CSMD1: variants seen among roughly 807,000 people sequenced by gnomAD.
The protein encoded by CSMD1 is CUB and Sushi multiple domains 1, also known as CUB and sushi domain-containing protein 1.
CSMD1 carries 213 observed loss-of-function variants against 417.5 expected under a neutral mutation model. The observed-to-expected ratio is 0.51, with a 90% CI of 0.46 to 0.57. The LOEUF is 0.57. CSMD1 is among the 20% of genes least tolerant of loss of function. The pLI, the probability that CSMD1 is intolerant of heterozygous loss-of-function variation, is 0.00. For synonymous variants in CSMD1, 2,862 were observed against 1,736.8 expected, an observed-to-expected ratio of 1.65 and a Z score of -16.11; for missense variants, 6,923 against 4,529.7, an observed-to-expected ratio of 1.53 and a Z score of -15.17.
At chr8:4,153,751 G>C (rs1437221882) in intron 3 of CSMD1, among the ~76,000 whole-genome samples, 1 of 152,206 alleles carries the variant, frequency 6.6e-6, no homozygotes, top group Non-Finnish European at 1.5e-5. Flanking sequence ...TCAGTGTGGT[G>C]ACCCTGTGCT....
At chr8:4,791,424 A>AC (rs1797681714) in intron 1 of CSMD1, among the ~76,000 whole-genome samples, 2 of 152,038 alleles carry the variant, frequency 1.3e-5, no homozygotes, top group Non-Finnish European at 2.9e-5. Context: ...TGTGGGTGGG[A>AC]CCCCATCCCT....
At chr8:3,759,622 A>C (rs900301692) in intron 5 of CSMD1, among the ~76,000 whole-genome samples, 4 of 151,890 alleles carry the variant, frequency 2.6e-5, no homozygotes, top group African/African-American at 9.7e-5. Context: ...TGCCAGGCAC[A>C]GTGGCTCACA....
At chr8:3,682,413 T>C (rs1366314024) in intron 7 of CSMD1, among the ~76,000 whole-genome samples, 1 of 152,156 alleles carries the variant, frequency 6.6e-6, no homozygotes, top group Non-Finnish European at 1.5e-5. Context: ...AAAGATGACC[T>C]TTATGCAGCC....
At chr8:3,167,737 C>G (rs1820321443) in intron 37 of CSMD1, among the ~76,000 whole-genome samples, 1 of 152,200 alleles carries the variant, frequency 6.6e-6, no homozygotes, top group East Asian at 1.9e-4. Flanking sequence ...TGACCAAAAA[C>G]ACTTTAATGG....
intron 5 of CSMD1, among the ~76,000 whole-genome samples, chr8:3,854,508 G>T (rs1179631281): frequency 1.3e-5 from 2 of 152,028 alleles, no homozygotes; most frequent in African/African-American, 4.8e-5. Flanking sequence ...GATAATACAG[G>T]CATAGTGGCT....
chr8:3,502,097 T>A (rs1338001822), intron 10 of CSMD1, among the ~76,000 whole-genome samples: 1 of 152,018 alleles, frequency 6.6e-6, no homozygotes, highest in Non-Finnish European at 1.5e-5. Context: ...GCTAAAAACG[T>A]ATGTCCACAC....
At chr8:4,906,089 A>G (rs1002326956) in intron 1 of CSMD1, among the ~76,000 whole-genome samples, 1 of 152,182 alleles carries the variant, frequency 6.6e-6, no homozygotes, top group Non-Finnish European at 1.5e-5. Context: ...GGAGCTGACC[A>G]ATAATCAAAT....
chr8:3,478,571 G>A (rs7813988), intron 11 of CSMD1, among the ~76,000 whole-genome samples: 79,514 of 151,908 alleles, frequency 0.52, 21,028 homozygotes, highest in Middle Eastern at 0.62. Context: ...CAGAGCATGG[G>A]GTGACTTGTG....
At chr8:4,142,529 T>C (rs1803852772) in intron 3 of CSMD1, among the ~76,000 whole-genome samples, 2 of 151,306 alleles carry the variant, frequency 1.3e-5, no homozygotes, top group Admixed American at 6.6e-5. Flanking sequence ...GAATTCTAAG[T>C]TTAGCAACAT....
chr8:4,677,866 G>A (rs571322703), intron 1 of CSMD1, among the ~76,000 whole-genome samples: 1 of 152,140 alleles, frequency 6.6e-6, no homozygotes, highest in Non-Finnish European at 1.5e-5. Flanking sequence ...TCTTTAAAAT[G>A]AAGTATTAAC....
chr8:3,788,696 GT>G (rs1380176524), intron 5 of CSMD1, among the ~76,000 whole-genome samples: 1 of 152,186 alleles, frequency 6.6e-6, no homozygotes, highest in Non-Finnish European at 1.5e-5. Context: ...TACAGACACA[GT>G]TATGAGTCTA....
At chr8:4,363,073 G>C (rs1014750969) in intron 3 of CSMD1, among the ~76,000 whole-genome samples, 1 of 152,144 alleles carries the variant, frequency 6.6e-6, no homozygotes, top group Admixed American at 6.5e-5. Flanking sequence ...TCTCTTCAGA[G>C]CAGCCAGGTC....
At chr8:4,319,026 G>C (rs887638842) in intron 3 of CSMD1, among the ~76,000 whole-genome samples, 2 of 152,156 alleles carry the variant, frequency 1.3e-5, no homozygotes, top group African/African-American at 4.8e-5. Flanking sequence ...AAAGCGGCTT[G>C]AAGGTACAAA....
chr8:2,995,109 G>A (rs529011358), intron 54 of CSMD1, among the ~76,000 whole-genome samples: 3 of 152,284 alleles, frequency 2.0e-5, no homozygotes, highest in East Asian at 1.9e-4. Flanking sequence ...AAAGTCAAAC[G>A]AGAGACTGGG....
intron 5 of CSMD1, among the ~76,000 whole-genome samples, chr8:3,862,653 T>G (rs573294260): frequency 1.3e-5 from 2 of 152,210 alleles, no homozygotes; most frequent in Non-Finnish European, 2.9e-5. Context: ...TCTCTAAATA[T>G]TTCTTTGGTT....
intron 19 of CSMD1, 78 bp from the exon 20 acceptor site, chr8:3,367,325 CAG>C: frequency 1.2e-6 from 1 of 828,654 alleles, no homozygotes; most frequent in Non-Finnish European, 2.0e-6. Flanking sequence ...GGGAGCGGGG[CAG>C]AGAGAGACAG....
intron 3 of CSMD1, among the ~76,000 whole-genome samples, chr8:4,066,077 T>A (rs1276885518): frequency 6.6e-6 from 1 of 152,150 alleles, no homozygotes; most frequent in African/African-American, 2.4e-5. Flanking sequence ...GGTGGCTCAT[T>A]TACAAAACAA....
chr8:4,913,009 G>C (rs970999613), intron 1 of CSMD1, among the ~76,000 whole-genome samples: 1 of 152,006 alleles, frequency 6.6e-6, no homozygotes, highest in Non-Finnish European at 1.5e-5. Flanking sequence ...GGATAGTCTC[G>C]AACTCCTGAC....
chr8:4,829,744 A>C (rs1320895578), intron 1 of CSMD1, among the ~76,000 whole-genome samples: 8 of 151,750 alleles, frequency 5.3e-5, no homozygotes, highest in Non-Finnish European at 1.0e-4. Flanking sequence ...TCTCAAAAAA[A>C]AAAAAAAAAA....
Sources: gnomAD v4.1 joint callset for allele counts (sites outside exome capture counted in the v4.1 genomes callset) on GRCh38, gnomAD v4.1.1 for gene constraint, MANE v1.5 for transcripts, NCBI Gene and HGNC (gene_info 2026-07-23, HGNC 2026-07-21) for gene names.